ABCC1: variants seen among roughly 807,000 people sequenced by gnomAD.
ABCC1 encodes multidrug resistance-associated protein 1.
Under a neutral mutation model 172.9 loss-of-function variants are expected in ABCC1, and 83 were observed. The ratio of observed to expected loss-of-function variants is 0.48; its 90% confidence interval spans 0.40 to 0.58. The LOEUF (loss-of-function observed/expected upper bound fraction) is 0.58, where lower values mean the gene tolerates loss of function less well. ABCC1 is among the 20% of genes least tolerant of loss of function. The probability of loss-of-function intolerance (pLI) is 0.00; values close to 1 mark genes in which losing one functional copy is unlikely to be tolerated. For synonymous variants in ABCC1, 937 were observed against 825.2 expected (o/e 1.14, Z -2.32); for missense variants, 1,817 against 2,002.7 (o/e 0.91, Z 1.77).
rs201739093 is a variant in ABCC1, at chr16:15,960,944, T to TG, written c.48+11147dup. The stretch of plus-strand genomic sequence containing the variant: ...CTCAGCAAGGAAGTAGAACAATGCA[T>TG]GGTCCCTGGCAGAAGCAAGAACCTT... On this transcript the variant is annotated intron_variant, in intron 1 of 30. Coordinates refer to ENST00000399410, the MANE Select transcript of ABCC1 (RefSeq NM_004996.4). Among the ~76,000 whole-genome samples the TG allele has an allele frequency of 9.7e-3, 1,475 of 151,706 alleles. 28 individuals carry two copies. Among genetic ancestry groups the TG allele is most frequent in the African/African-American group, 0.034 (1,401 of 41,294 alleles).
intron 16 of ABCC1, 129 bp downstream of exon 16, chr16:16,079,607 C>T (rs2050726198): frequency 8.6e-7 from 1 of 1,161,378 alleles, no homozygotes; most frequent in South Asian, 1.6e-5. Context: ...TTTTCCTCCT[C>T]CTCCTGTATC....
intron 7 of ABCC1, among the ~76,000 whole-genome samples, chr16:16,038,016 A>G (rs1217102753): frequency 1.3e-5 from 2 of 151,990 alleles, no homozygotes; most frequent in East Asian, 3.8e-4. Context: ...CCTGTTTATT[A>G]CAGTTCTTCA....
At chr16:16,052,856 A>G (rs765496345) in intron 11 of ABCC1, 40 bp downstream of exon 11, 1 of 1,586,828 alleles carries the variant, frequency 6.3e-7, no homozygotes, top group East Asian at 2.2e-5. Context: ...GCCGGGCCCT[A>G]GGCAGAGGCC....
intron 10 of ABCC1, among the ~76,000 whole-genome samples, chr16:16,050,918 A>G (rs1272222219): frequency 6.6e-6 from 1 of 151,986 alleles, no homozygotes; most frequent in Non-Finnish European, 1.5e-5. Context: ...AGAAAAAAAA[A>G]ATCTAAATAA....
At chr16:16,066,715 A>G (rs2050125185) in intron 12 of ABCC1, among the ~76,000 whole-genome samples, 1 of 151,524 alleles carries the variant, frequency 6.6e-6, no homozygotes, top group Non-Finnish European at 1.5e-5. Flanking sequence ...CCTGACCAAC[A>G]TGGCGAAACC....
At position 16,113,033 on chromosome 16, in the gene ABCC1, T is replaced by C. The variant is rs191787120; in HGVS notation, c.3079+1451T>C. Among the ~76,000 whole-genome samples, 14 of 152,308 alleles carry C rather than the reference T, an allele frequency of 9.2e-5. No homozygotes were observed. In the East Asian group the frequency reaches 2.7e-3, roughly 29 times the overall value. On this transcript the variant is annotated intron_variant, in intron 22 of 30. Coordinates refer to ENST00000399410, the MANE Select transcript of ABCC1 (RefSeq NM_004996.4). Reference sequence around the variant, plus strand: ...GCCGAGATGGAAGCCTCTCTGTTCCTAGGAAGTTGCTGCTCTGGAACACAC... The same window carrying C: ...GCCGAGATGGAAGCCTCTCTGTTCCCAGGAAGTTGCTGCTCTGGAACACAC...
At chr16:16,036,721 G>A (rs2048773807) in intron 7 of ABCC1, 118 bp downstream of exon 7, 2 of 1,086,086 alleles carry the variant, frequency 1.8e-6, no homozygotes, top group South Asian at 1.5e-5. Flanking sequence ...GTGGTTCTGG[G>A]CAAGATGCCT....
chr16:16,039,910 A>G (rs2048907537), intron 7 of ABCC1, among the ~76,000 whole-genome samples: 1 of 151,872 alleles, frequency 6.6e-6, no homozygotes, highest in Admixed American at 6.6e-5. Flanking sequence ...GAGGAAAGTG[A>G]GTGAGGGGGA....
chr16:15,989,109 CTG>C (rs2046804790), intron 1 of ABCC1, among the ~76,000 whole-genome samples: 1 of 149,010 alleles, frequency 6.7e-6, no homozygotes, highest in Non-Finnish European at 1.5e-5. Context: ...TTGCATGTAA[CTG>C]TGTTCAGTTC....
intron 1 of ABCC1, 103 bp from the exon 2 acceptor site, chr16:16,007,713 G>T (rs143851493): frequency 5.2e-6 from 6 of 1,159,610 alleles, no homozygotes; most frequent in Middle Eastern, 2.2e-4. Flanking sequence ...TAGGAGCCTT[G>T]TCTGTTTCTT....
chr16:15,988,523 G>C (rs1403201625), intron 1 of ABCC1, among the ~76,000 whole-genome samples: 1 of 152,164 alleles, frequency 6.6e-6, no homozygotes, highest in Non-Finnish European at 1.5e-5. Context: ...GGATTTATTT[G>C]GTGAAACATG....
At chr16:16,110,329 T>G (rs1239591600) in intron 21 of ABCC1, among the ~76,000 whole-genome samples, 2 of 151,858 alleles carry the variant, frequency 1.3e-5, no homozygotes, top group African/African-American at 4.8e-5. Flanking sequence ...GGTGATCCAC[T>G]TGCCGCAGCC....
chr16:16,063,363 C>T (rs1463773801), intron 12 of ABCC1, among the ~76,000 whole-genome samples: 2 of 152,216 alleles, frequency 1.3e-5, no homozygotes, highest in Non-Finnish European at 1.5e-5. Context: ...CCACCTCGGC[C>T]TCCCAAAGTG....
rs760447045 is a variant in ABCC1, at chr16:16,033,130, G to A, written c.637G>A (p.Ala213Thr). 9.9e-6 allele frequency: 16 copies of A among 1,614,092 alleles called. No homozygotes were observed. The highest frequency in any genetic ancestry group is 1.2e-5 in the Non-Finnish European group (14 of 1,180,024). Residue 213 changes from alanine (A) to threonine (T), a missense_variant, in exon 6 of 31, where the codon GCT (alanine) becomes ACT (threonine). Around this residue, in one of 3 missense-constraint regions of ABCC1, gnomAD observed 398 missense variants for 384.2 expected, o/e 1.04. Transcript: ENST00000399410. ...HDPNPCPESSASFLSRITFWW... is the reference protein window; with the variant it reads ...HDPNPCPESSTSFLSRITFWW... ...CTAGAATCCCTGCCCAGAGTCCAGCGCTTCCTTCCTGTCGAGGATCACCTT... is the reference window on the plus strand; with the variant it reads ...CTAGAATCCCTGCCCAGAGTCCAGCACTTCCTTCCTGTCGAGGATCACCTT...
intron 18 of ABCC1, among the ~76,000 whole-genome samples, chr16:16,090,156 TTCCCCTTCC>T (rs2051183172): frequency 6.6e-6 from 1 of 152,204 alleles, no homozygotes; most frequent in Admixed American, 6.5e-5. Flanking sequence ...CTTTGTTTCC[TTCCCCTTCC>T]CCAGCTTTTA....
Position 16,131,843 on chromosome 16 carries a change from C to G in ABCC1, c.3874C>G (p.Arg1292Gly). 2 of 1,614,146 alleles carry G rather than the reference C, an allele frequency of 1.2e-6. No homozygotes were observed. Among genetic ancestry groups the G allele is most frequent in the Non-Finnish European group, 1.7e-6 (2 of 1,180,012 alleles). The change falls in exon 27 of 31, where the codon CGA becomes GGA. Residue 1292 changes from arginine to glycine, a missense_variant. Physicochemically the swap from Arg to Gly is moderately radical, Grantham distance 125. This residue lies in a region of ABCC1 where 1,412 missense variants were observed against 1,600.3 expected (regional missense o/e 0.88). Coordinates refer to ENST00000399410, the MANE Select transcript of ABCC1 (RefSeq NM_004996.4). ...APPSSWPQVG[R>G]VEFRNYCLRY... ...GCCCAGCAGCTGGCCCCAGGTGGGC[C>G]GAGTGGAATTCCGGAACTACTGCCT...
At chr16:16,120,919 G>A (rs2045123192) in intron 23 of ABCC1, among the ~76,000 whole-genome samples, 1 of 152,164 alleles carries the variant, frequency 6.6e-6, no homozygotes, top group Admixed American at 6.5e-5. Context: ...TCAACAGGCG[G>A]AATTCTGTCA....
At chr16:16,130,476 C>A (rs1187958462) in intron 26 of ABCC1, among the ~76,000 whole-genome samples, 2 of 152,174 alleles carry the variant, frequency 1.3e-5, no homozygotes, top group African/African-American at 4.8e-5. Flanking sequence ...ATCACATTTA[C>A]TTTGGAGAAA....
intron 5 of ABCC1, among the ~76,000 whole-genome samples, chr16:16,031,766 A>C (rs1265072984): frequency 6.6e-6 from 1 of 152,068 alleles, no homozygotes; most frequent in African/African-American, 2.4e-5. Flanking sequence ...ACACCAGATC[A>C]GCCCCCATGC....
Sources: allele counts gnomAD v4.1 joint callset (sites outside exome capture counted in the v4.1 genomes callset), GRCh38; gene constraint gnomAD v4.1.1; regional missense constraint gnomAD v4.1.1; transcripts MANE v1.5; gene names NCBI Gene and HGNC (gene_info 2026-07-23, HGNC 2026-07-21).